Variants in PTPRT observed in about 807,000 individuals in gnomAD.
PTPRT encodes the protein receptor-type tyrosine-protein phosphatase T.
Under a neutral mutation model 176.8 loss-of-function variants are expected in PTPRT, and 56 were observed. The observed-to-expected ratio is 0.32, with a 90% confidence interval of 0.26 to 0.40. The LOEUF is 0.40. Among genes scored for constraint, PTPRT ranks in the 10% least tolerant of loss-of-function variants. PTPRT has a pLI of 1.00. For synonymous variants in PTPRT, 783 were observed against 739.0 expected (o/e 1.06, Z -0.96); for missense variants, 1,540 against 1,908.2 (o/e 0.81, Z 3.60).
Position 42,987,037 on chromosome 20 carries a change from T to C in PTPRT, c.89-101105A>G, listed in dbSNP as rs189223153. Among the ~76,000 whole-genome samples, 408 of 152,218 alleles carry C rather than the reference T, an allele frequency of 2.7e-3. 2 individuals are homozygous for C. Among genetic ancestry groups the C allele is most frequent in the Middle Eastern group, 0.017 (5 of 294 alleles). On this transcript the variant is annotated intron_variant, in intron 1 of 30. Coordinates refer to ENST00000373187, the MANE Select transcript of PTPRT (RefSeq NM_007050.6). The stretch of plus-strand genomic sequence containing the variant: ...CAATCCTCATATGGTACTGGGGCTG[T>C]AGGAAGGCACAAGAGGCCACAGAAC...
chr20:43,083,337 T>TATACAC (rs2011500588), intron 1 of PTPRT, among the ~76,000 whole-genome samples: 1 of 105,792 alleles, frequency 9.5e-6, no homozygotes, highest in African/African-American at 3.7e-5. Context: ...TATATATATA[T>TATACAC]ATATATATAT....
At position 42,074,954 on chromosome 20, in the gene PTPRT, T is replaced by C. The variant is rs2146053165; in HGVS notation, c.*5925A>G. ...GCTGTGCTTCGGAGGATCAGATCCA[T>C]GATCCTGAAAAATGTGTCAGAAGAA... On this transcript the variant is annotated 3_prime_UTR_variant, in exon 31 of 31. Coordinates refer to ENST00000373187, the MANE Select transcript of PTPRT (RefSeq NM_007050.6). 1.0e-5 allele frequency: 4 copies of C among 396,882 alleles called. No individual in the cohort carries two copies. In the East Asian group the frequency reaches 1.4e-4, roughly 14 times the overall value. The allele number at this position is 396,882 out of a possible 1,614,324, so 24.6% of individuals were successfully genotyped here.
chr20:42,640,891 T>C (rs1195760498), intron 7 of PTPRT, among the ~76,000 whole-genome samples: 1 of 152,158 alleles, frequency 6.6e-6, no homozygotes, highest in Admixed American at 6.5e-5. Context: ...CCACCATTAA[T>C]GACAACACAA....
At chr20:42,547,622 G>A (rs1054244475) in intron 7 of PTPRT, among the ~76,000 whole-genome samples, 1 of 151,906 alleles carries the variant, frequency 6.6e-6, no homozygotes, top group Non-Finnish European at 1.5e-5. Flanking sequence ...ACTTGTTAAA[G>A]GTTATACCTA....
chr20:42,332,067 G>A (rs369078112), intron 11 of PTPRT, among the ~76,000 whole-genome samples: 7 of 152,028 alleles, frequency 4.6e-5, no homozygotes, highest in African/African-American at 9.7e-5. Context: ...GAAGGTCCTC[G>A]ATGAAGCAGT....
intron 12 of PTPRT, among the ~76,000 whole-genome samples, chr20:42,300,756 G>T (rs908472674): frequency 3.4e-5 from 5 of 147,988 alleles, no homozygotes; most frequent in Admixed American, 6.7e-5. Flanking sequence ...CTTTTTATTT[G>T]TATTATTATT....
chr20:43,162,345 C>T (rs6016969), intron 1 of PTPRT, among the ~76,000 whole-genome samples: 142,707 of 152,254 alleles, frequency 0.94, 67,630 homozygotes, highest in East Asian at 1. Flanking sequence ...CCTTATAACG[C>T]GGATCTTATA....
chr20:42,081,736 A>T, intron 30 of PTPRT, 146 bp downstream of exon 30: 1 of 1,074,072 alleles, frequency 9.3e-7, no homozygotes, highest in Non-Finnish European at 1.4e-6. Flanking sequence ...GACACAGGAC[A>T]GACAACAGTG....
At chr20:42,591,333 G>A (rs1311367645) in intron 7 of PTPRT, among the ~76,000 whole-genome samples, 2 of 152,150 alleles carry the variant, frequency 1.3e-5, no homozygotes, top group African/African-American at 4.8e-5. Context: ...TAGGTACAAT[G>A]TCAACCTGAA....
chr20:42,749,333 T>A (rs1181104255), intron 6 of PTPRT, among the ~76,000 whole-genome samples: 1 of 152,152 alleles, frequency 6.6e-6, no homozygotes, highest in African/African-American at 2.4e-5. Flanking sequence ...GTCCTGCTTA[T>A]GAGCTTGCCA....
chr20:42,129,810 C>T (rs1416665335), intron 18 of PTPRT, among the ~76,000 whole-genome samples: 2 of 152,200 alleles, frequency 1.3e-5, no homozygotes, highest in East Asian at 3.9e-4. Flanking sequence ...GTTTACAAGG[C>T]ACATTTATTG....
intron 1 of PTPRT, among the ~76,000 whole-genome samples, chr20:43,083,372 A>ATATAT (rs2011519173): frequency 9.1e-6 from 1 of 109,922 alleles, no homozygotes; most frequent in Non-Finnish European, 1.9e-5. Flanking sequence ...ATATATATAC[A>ATATAT]TTTTTTGAGA....
Position 42,515,885 on chromosome 20 carries a change from A to G in PTPRT, c.1154-43323T>C, listed in dbSNP as rs1025225140. ...TCCAACAATGATAGACTGGATTAAGAAAATGTGGCACATATACACCATGGA... is the reference window on the plus strand; with the variant it reads ...TCCAACAATGATAGACTGGATTAAGGAAATGTGGCACATATACACCATGGA... On this transcript the variant is annotated intron_variant, in intron 7 of 30. Transcript: ENST00000373187. Among the ~76,000 whole-genome samples the G allele has an allele frequency of 1.2e-3, 178 of 150,346 alleles. 1 individual carries two copies. The highest frequency in any genetic ancestry group is 4.0e-3 in the African/African-American group (164 of 40,804).
chr20:42,224,178 T>C (rs921716648), intron 15 of PTPRT, among the ~76,000 whole-genome samples: 1 of 152,192 alleles, frequency 6.6e-6, no homozygotes, highest in Non-Finnish European at 1.5e-5. Flanking sequence ...ATTGAGTCCC[T>C]TGAGGCTTCA....
intron 1 of PTPRT, among the ~76,000 whole-genome samples, chr20:43,143,085 C>A (rs2146404421): frequency 6.6e-6 from 1 of 152,276 alleles, no homozygotes; most frequent in East Asian, 1.9e-4. Flanking sequence ...AGAGACCCTG[C>A]CCTGCCACGG....
chr20:42,716,038 A>T (rs1055286086), intron 6 of PTPRT, among the ~76,000 whole-genome samples: 1 of 152,142 alleles, frequency 6.6e-6, no homozygotes, highest in African/African-American at 2.4e-5. Context: ...GTGCAGTGGG[A>T]CTTGCTCTAT....
At chr20:42,035,467 C>T in the PTPRT span, among the ~76,000 whole-genome samples, 10 of 152,266 alleles carry the variant, frequency 6.6e-5, 1 homozygote, top group South Asian at 1.5e-3. Context: ...TCTAACATTT[C>T]TGGCAATGAC....
At chr20:42,380,481 C>T (rs968790197) in intron 9 of PTPRT, among the ~76,000 whole-genome samples, 5 of 152,182 alleles carry the variant, frequency 3.3e-5, no homozygotes, top group African/African-American at 1.2e-4. Flanking sequence ...AGATAGTTCC[C>T]CTTCTCATAA....
chr20:42,852,112 CCTT>C (rs1220033037), intron 2 of PTPRT, among the ~76,000 whole-genome samples: 1 of 152,040 alleles, frequency 6.6e-6, no homozygotes, highest in Non-Finnish European at 1.5e-5. Flanking sequence ...TGCAAATCTC[CCTT>C]CTATTAAGGG....
Sources: allele counts gnomAD v4.1 joint callset (sites outside exome capture counted in the v4.1 genomes callset), GRCh38; gene constraint gnomAD v4.1.1; transcripts MANE v1.5; gene names NCBI Gene and HGNC (gene_info 2026-07-23, HGNC 2026-07-21).